Variants in UBTD1 observed in about 807,000 individuals in gnomAD.
The protein encoded by UBTD1 is ubiquitin domain containing 1.
In UBTD1, 19 loss-of-function variants were observed where a neutral mutation model predicts 21.7. The observed-to-expected ratio is 0.87, with a 90% CI of 0.61 to 1.28. The LOEUF is 1.28. UBTD1 is among the 50% of genes most tolerant of loss of function. The pLI, the probability that UBTD1 is intolerant of heterozygous loss-of-function variation, is 0.00. For synonymous variants in UBTD1, 116 were observed against 135.1 expected, an observed-to-expected ratio of 0.86 and a Z score of 0.98; for missense variants, 282 against 315.1, an observed-to-expected ratio of 0.89 and a Z score of 0.80.
intron 1 of UBTD1, among the ~76,000 whole-genome samples, chr10:97,544,218 G>T (rs986900137): frequency 2.0e-5 from 3 of 151,910 alleles, no homozygotes; most frequent in African/African-American, 7.3e-5. Context: ...TCTTGAACCT[G>T]GGAGGCAGAG....
chr10:97,562,295 C>T lies in UBTD1; in HGVS notation c.71-5619C>T, dbSNP rs114790392. 4.5e-3 allele frequency among the ~76,000 whole-genome samples: 692 copies of T among 152,306 alleles called. 6 individuals carry two copies. Among genetic ancestry groups the T allele is most frequent in the African/African-American group, 0.016 (646 of 41,556 alleles). Reference sequence around the variant, plus strand: ...TTACACATCTGTAATCCCAGCTACTCGGTGTCACGCGCATCCATGTGAAGA... The same window carrying T: ...TTACACATCTGTAATCCCAGCTACTTGGTGTCACGCGCATCCATGTGAAGA... On this transcript the variant is annotated intron_variant, in intron 1 of 2. Transcript: ENST00000370664.
intron 1 of UBTD1, among the ~76,000 whole-genome samples, chr10:97,543,773 C>T (rs866214745): frequency 9.9e-5 from 15 of 152,168 alleles, no homozygotes; most frequent in South Asian, 8.3e-4. Flanking sequence ...GAATTAGGAA[C>T]CACAACCAGG....
At chr10:97,505,061 G>C (rs1349235032) in intron 1 of UBTD1, among the ~76,000 whole-genome samples, 4 of 152,160 alleles carry the variant, frequency 2.6e-5, no homozygotes, top group Non-Finnish European at 5.9e-5. Flanking sequence ...AGGCACACGT[G>C]ATGTTTGTAG....
chr10:97,549,107 C>T (rs922612674), intron 1 of UBTD1, among the ~76,000 whole-genome samples: 3 of 152,196 alleles, frequency 2.0e-5, no homozygotes, highest in East Asian at 1.9e-4. Context: ...TGTGGCTGCC[C>T]GCACACTGAG....
intron 1 of UBTD1, among the ~76,000 whole-genome samples, chr10:97,536,942 C>G (rs1453288984): frequency 6.6e-6 from 1 of 152,056 alleles, no homozygotes; most frequent in Non-Finnish European, 1.5e-5. Context: ...AGGGCCCTCC[C>G]TTGGAGGGGC....
At chr10:97,561,230 C>T (rs1046943042) in intron 1 of UBTD1, among the ~76,000 whole-genome samples, 1 of 152,112 alleles carries the variant, frequency 6.6e-6, no homozygotes, top group African/African-American at 2.4e-5. Flanking sequence ...GCCGGAGTTC[C>T]CCACAGGGAT....
chr10:97,502,143 G>A (rs1437997447), intron 1 of UBTD1, among the ~76,000 whole-genome samples: 1 of 151,974 alleles, frequency 6.6e-6, no homozygotes, highest in South Asian at 2.1e-4. Context: ...ATTTTAGAAA[G>A]CAAACTCAAC....
chr10:97,519,916 C>T (rs1416637433), intron 1 of UBTD1, among the ~76,000 whole-genome samples: 3 of 151,930 alleles, frequency 2.0e-5, no homozygotes, highest in Admixed American at 2.0e-4. Flanking sequence ...GAGGATGGTG[C>T]ATACTATATG....
intron 1 of UBTD1, among the ~76,000 whole-genome samples, chr10:97,561,186 C>T (rs567913462): frequency 9.2e-5 from 14 of 152,220 alleles, no homozygotes; most frequent in Non-Finnish European, 1.8e-4. Flanking sequence ...ATTTCCTACC[C>T]GGGAGCGCTC....
chr10:97,563,666 A>G (rs2040704297), intron 1 of UBTD1, among the ~76,000 whole-genome samples: 1 of 152,122 alleles, frequency 6.6e-6, no homozygotes, highest in Non-Finnish European at 1.5e-5. Context: ...GTACTAGGAG[A>G]TATCTGCTAT....
chr10:97,521,369 C>T (rs996936651), intron 1 of UBTD1, among the ~76,000 whole-genome samples: 16 of 152,146 alleles, frequency 1.1e-4, no homozygotes, highest in South Asian at 2.1e-4. Flanking sequence ...CCAGGAGTTA[C>T]TTTTCTGTTC....
chr10:97,564,039 C>T (rs1036926460), intron 1 of UBTD1, among the ~76,000 whole-genome samples: 15 of 152,066 alleles, frequency 9.9e-5, no homozygotes, highest in Admixed American at 5.9e-4. Context: ...GTCCTGCAGG[C>T]GGATGGCAGT....
At chr10:97,508,251 C>T (rs1479556587) in intron 1 of UBTD1, among the ~76,000 whole-genome samples, 6 of 152,214 alleles carry the variant, frequency 3.9e-5, no homozygotes, top group African/African-American at 7.2e-5. Flanking sequence ...ATCTCAGAGC[C>T]CACGCTTTGG....
intron 1 of UBTD1, among the ~76,000 whole-genome samples, chr10:97,523,168 G>C (rs2135664867): frequency 6.6e-6 from 1 of 152,350 alleles, no homozygotes; most frequent in Non-Finnish European, 1.5e-5. Flanking sequence ...TCTGGATGCT[G>C]CCTGCCAGCC....
At chr10:97,527,146 G>T (rs1014342112) in intron 1 of UBTD1, among the ~76,000 whole-genome samples, 3 of 134,766 alleles carry the variant, frequency 2.2e-5, no homozygotes, top group African/African-American at 8.7e-5. Context: ...CTCCAGCCTA[G>T]GCAACAAAGC....
At chr10:97,554,545 C>T (rs928865028) in intron 1 of UBTD1, among the ~76,000 whole-genome samples, 2 of 151,524 alleles carry the variant, frequency 1.3e-5, no homozygotes, top group African/African-American at 2.4e-5. Flanking sequence ...CTGTGCCTGA[C>T]CATTTATTTA....
intron 1 of UBTD1, among the ~76,000 whole-genome samples, chr10:97,542,714 A>C (rs976853517): frequency 6.6e-6 from 1 of 152,166 alleles, no homozygotes; most frequent in Non-Finnish European, 1.5e-5. Flanking sequence ...TCTCCTGTCT[A>C]TAAAGTGGGA....
chr10:97,504,687 T>C (rs2040391259), intron 1 of UBTD1, among the ~76,000 whole-genome samples: 1 of 152,240 alleles, frequency 6.6e-6, no homozygotes, highest in South Asian at 2.1e-4. Context: ...GAGCAGTGCC[T>C]GGTAAATAGT....
At chr10:97,567,054 A>G (rs2040720194) in intron 1 of UBTD1, among the ~76,000 whole-genome samples, 1 of 152,012 alleles carries the variant, frequency 6.6e-6, no homozygotes, top group African/African-American at 2.4e-5. Context: ...GGACATTAGT[A>G]ACAAGATGTT....
Sources: gnomAD v4.1 joint callset for allele counts (sites outside exome capture counted in the v4.1 genomes callset) on GRCh38, gnomAD v4.1.1 for gene constraint, MANE v1.5 for transcripts, NCBI Gene and HGNC (gene_info 2026-07-23, HGNC 2026-07-21) for gene names.